Variants in STK38 observed in about 807,000 individuals in gnomAD.
The protein encoded by STK38 is serine/threonine-protein kinase 38.
A neutral mutation model predicts 59.0 loss-of-function variants in STK38; 26 were observed. That is an observed-to-expected ratio of 0.44 (90% CI 0.32 to 0.61). The LOEUF (loss-of-function observed/expected upper bound fraction) is 0.61, where lower values mean the gene tolerates loss of function less well. Among genes scored for constraint, STK38 ranks in the 20% least tolerant of loss-of-function variants. The pLI, the probability that STK38 is intolerant of heterozygous loss-of-function variation, is 0.04. For missense variants in STK38, 433 were observed against 566.0 expected, an observed-to-expected ratio of 0.76 and a Z score of 2.38; for synonymous variants, 175 against 176.6, an observed-to-expected ratio of 0.99 and a Z score of 0.07.
intron 2 of STK38, among the ~76,000 whole-genome samples, chr6:36,535,686 G>A (rs1279629425): frequency 6.6e-6 from 1 of 150,844 alleles, no homozygotes; most frequent in Non-Finnish European, 1.5e-5. Flanking sequence ...GACCATCCTG[G>A]CCAACATGGT....
At chr6:36,511,249 A>G (rs942232698) in intron 7 of STK38, among the ~76,000 whole-genome samples, 1 of 152,242 alleles carries the variant, frequency 6.6e-6, no homozygotes, top group East Asian at 1.9e-4. Context: ...TTTTGTTTTA[A>G]AAGAAATCCA....
At chr6:36,497,938 C>A in intron 11 of STK38, 63 bp from the exon 12 acceptor site, 47 of 655,866 alleles carry the variant, frequency 7.2e-5, no homozygotes, top group Non-Finnish European at 1.1e-4. Flanking sequence ...GAAAAACTTT[C>A]TTTTTTTTTT....
intron 7 of STK38, among the ~76,000 whole-genome samples, chr6:36,513,600 G>A (rs1777167211): frequency 6.6e-6 from 1 of 151,870 alleles, no homozygotes. Context: ...ACAGGCGTAA[G>A]CCACCATGCC....
At chr6:36,542,750 A>C (rs1225613501) in intron 1 of STK38, among the ~76,000 whole-genome samples, 1 of 152,102 alleles carries the variant, frequency 6.6e-6, no homozygotes, top group Non-Finnish European at 1.5e-5. Context: ...TTGGGAGACT[A>C]GCCTGACCAA....
chr6:36,500,758 CA>C (rs753008721), intron 9 of STK38, among the ~76,000 whole-genome samples: 2,454 of 58,400 alleles, frequency 0.042, 51 homozygotes, highest in African/African-American at 0.13. Flanking sequence ...GACTCTGTCT[CA>C]AAAAAAAAAA....
intron 7 of STK38, 29 bp from the exon 8 acceptor site, chr6:36,507,631 G>C: frequency 2.0e-6 from 3 of 1,537,826 alleles, no homozygotes; most frequent in Non-Finnish European, 2.7e-6. Context: ...GTGATAGATG[G>C]ATGAGTATTC....
intron 2 of STK38, 114 bp from the exon 3 acceptor site, chr6:36,525,756 C>A: frequency 2.1e-5 from 16 of 770,108 alleles, no homozygotes; most frequent in South Asian, 8.0e-5. Flanking sequence ...AGGTAAATCT[C>A]AAAATGTCTC....
At chr6:36,496,043 A>ATTTTT (rs34301019) in intron 13 of STK38, 129 bp from the exon 14 acceptor site, 7 of 618,252 alleles carry the variant, frequency 1.1e-5, no homozygotes, top group South Asian at 2.2e-5. Context: ...CACTCTATGA[A>ATTTTT]TTTTTTTTTT....
intron 9 of STK38, among the ~76,000 whole-genome samples, chr6:36,504,021 A>G (rs1776902132): frequency 6.6e-6 from 1 of 152,236 alleles, no homozygotes. Flanking sequence ...AGTGTCAATG[A>G]AAATTGCTAT....
chr6:36,515,275 G>A (rs1318352091), intron 7 of STK38, 63 bp downstream of exon 7: 12 of 1,568,738 alleles, frequency 7.6e-6, no homozygotes, highest in Non-Finnish European at 1.0e-5. Flanking sequence ...GGGTGCAGGT[G>A]TTAAAGCAGA....
chr6:36,496,921 GGCAGCAT>G, intron 12 of STK38, 116 bp from the exon 13 acceptor site: 1 of 654,986 alleles, frequency 1.5e-6, no homozygotes. Context: ...TTCACTGGCA[GGCAGCAT>G]TTATTTTCTC....
At chr6:36,529,757 G>A (rs952711603) in intron 2 of STK38, among the ~76,000 whole-genome samples, 1 of 152,188 alleles carries the variant, frequency 6.6e-6, no homozygotes, top group Admixed American at 6.5e-5. Context: ...AAGTCAGAAT[G>A]TATAGCAATG....
At chr6:36,524,094 A>C (rs75996342) in intron 4 of STK38, among the ~76,000 whole-genome samples, 372 of 152,274 alleles carry the variant, frequency 2.4e-3, no homozygotes, top group African/African-American at 8.5e-3. Flanking sequence ...TCTACCTTTC[A>C]ACTCTCCCCC....
chr6:36,499,980 G>A lies in STK38; in HGVS notation c.845C>T (p.Thr282Ile). 1 of 1,613,382 alleles carries A rather than the reference G, an allele frequency of 6.2e-7. No homozygotes were observed. Among genetic ancestry groups the A allele is most frequent in the East Asian group, 2.2e-5 (1 of 44,874 alleles). Residue 282 changes from threonine to isoleucine, a missense_variant, in exon 10 of 14, where the codon ACA becomes ATA. This residue lies in a region of STK38 where 293 missense variants were observed against 388.2 expected (regional missense o/e 0.75). Transcript: ENST00000229812. ...AGCAATGTAGTCAGGAGTGCCTACT[G>A]TGGAGAAGGCCTGAAACATGGACCA... Reference protein sequence around the residue: ...KRNRRQLAFSTVGTPDYIAPE... With the variant: ...KRNRRQLAFSIVGTPDYIAPE...
intron 7 of STK38, among the ~76,000 whole-genome samples, chr6:36,508,349 T>C (rs999862908): frequency 6.6e-6 from 1 of 152,194 alleles, no homozygotes; most frequent in African/African-American, 2.4e-5. Flanking sequence ...TTAGCTCTCA[T>C]ATAACATGGA....
In STK38 at chr6:36,534,866, T is replaced by A. The variant is rs185772380; in HGVS notation, c.131+5206A>T. ...AAAAAAAAAAAAAAGGTGAATAGATTGAAAAGGAAGTAAAACTGTCTCTAC... is the reference window on the plus strand; with the variant it reads ...AAAAAAAAAAAAAAGGTGAATAGATAGAAAAGGAAGTAAAACTGTCTCTAC... On this transcript the variant is annotated intron_variant, in intron 2 of 13. Transcript: ENST00000229812. 5.1e-3 allele frequency among the ~76,000 whole-genome samples: 768 copies of A among 149,290 alleles called. 3 individuals carry two copies. Among genetic ancestry groups the A allele is most frequent in the African/African-American group, 0.017 (711 of 40,862 alleles).
At chr6:36,523,268 T>G (rs1393791794) in intron 4 of STK38, among the ~76,000 whole-genome samples, 9 of 149,994 alleles carry the variant, frequency 6.0e-5, no homozygotes, top group South Asian at 2.1e-4. Flanking sequence ...GTTTTTTGTT[T>G]TTTTTTTTTT....
chr6:36,513,653 G>A (rs1051344901), intron 7 of STK38, among the ~76,000 whole-genome samples: 4 of 150,986 alleles, frequency 2.6e-5, no homozygotes, highest in Non-Finnish European at 5.9e-5. Context: ...CCATATCCCC[G>A]TCTCTGCTAC....
chr6:36,514,937 G>A (rs1303430710), intron 7 of STK38, among the ~76,000 whole-genome samples: 1 of 150,692 alleles, frequency 6.6e-6, no homozygotes, highest in South Asian at 2.1e-4. Context: ...ACAGGTTCTT[G>A]TTGTTACTGC....
Sources: allele counts gnomAD v4.1 joint callset (sites outside exome capture counted in the v4.1 genomes callset), GRCh38; gene constraint gnomAD v4.1.1; regional missense constraint gnomAD v4.1.1; transcripts MANE v1.5; gene names NCBI Gene and HGNC (gene_info 2026-07-23, HGNC 2026-07-21).